Variants in KMT2D observed in about 807,000 individuals in gnomAD.
KMT2D encodes the protein lysine methyltransferase 2D, also known as histone-lysine N-methyltransferase 2D.
In KMT2D, 55 loss-of-function variants were observed where a neutral mutation model predicts 512.7. That is an observed-to-expected ratio of 0.11 (90% CI 0.09 to 0.13). The LOEUF is 0.13. KMT2D is among the 10% of genes least tolerant of loss of function. The pLI is 1.00. For missense variants in KMT2D, 6,061 were observed against 7,127.9 expected (o/e 0.85, Z 5.39); for synonymous variants, 2,995 against 2,904.0 (o/e 1.03, Z -1.01).
chr12:49,025,990 G>A (rs1472454611), intron 49 of KMT2D, among the ~76,000 whole-genome samples, 192 bp downstream of exon 49: 1 of 152,164 alleles, frequency 6.6e-6, no homozygotes, highest in Non-Finnish European at 1.5e-5. Flanking sequence ...TCAACTACAA[G>A]GGAATTTAGG....
Position 49,052,037 on chromosome 12 carries a change from A to G in KMT2D, c.1646T>C (p.Phe549Ser), listed in dbSNP as rs773720742. Residue 549 changes from phenylalanine (F) to serine (S), a missense_variant, in exon 11 of 55, where the codon TTT (phenylalanine) becomes TCT (serine). Phe to Ser is a radical substitution (Grantham distance 155). Transcript: ENST00000301067. The stretch of plus-strand genomic sequence containing the variant: ...TGGCGGGGACAAAGGAGATTCTTCA[A>G]ATGGTGGGGACAGGGGCGATGCTTC... ...PPEASPLSPP[F>S]EESPLSPPPE... The G allele has an allele frequency of 1.9e-6, 3 of 1,597,368 alleles. No homozygotes were observed. Among genetic ancestry groups the G allele is most frequent in the South Asian group, 2.2e-5 (2 of 90,380 alleles).
rs771534524 is a variant in KMT2D, at chr12:49,052,162, A to C, written c.1521T>G (p.Pro507=). The change falls in exon 11 of 55, where the codon CCT becomes CCG. Residue 507 remains proline (P), a synonymous_variant. Transcript: ENST00000301067. ...CCAGTGGAGAAAAAGGTGATGATTC[A>C]GGTGGGGGAGACAGAGGAGACTCCT... The part of the protein sequence containing the change: ...PPEESPLSPP[P]ESSPFSPLEE... 4.3e-6 allele frequency: 7 copies of C among 1,613,254 alleles called. No individual in the cohort carries two copies. In the South Asian group the frequency reaches 7.7e-5, roughly 18 times the overall value.
Position 49,053,231 on chromosome 12 carries a change from C to T in KMT2D, c.930G>A (p.Leu310=), listed in dbSNP as rs2120694451. The change falls in exon 8 of 55, where the codon CTG becomes CTA. Residue 310 remains leucine, a synonymous_variant. Transcript: ENST00000301067. ...TFCLKPPMEE[L]PAHSWKCKAC... is the part of the protein sequence containing the mutation. ...CCTTGCACTTCCAAGAGTGAGCAGG[C>T]AGTTCCTCCATGGGTGGTTTTAGGC... 6.2e-7 allele frequency: 1 copy of T among 1,613,896 alleles called. No homozygotes were observed. Among genetic ancestry groups the T allele is most frequent in the South Asian group, 1.1e-5 (1 of 91,084 alleles).
Position 49,031,567 on chromosome 12 carries a change from G to T in KMT2D, c.13138C>A (p.Pro4380Thr), listed in dbSNP as rs369009384. The T allele has an allele frequency of 1.4e-5, 23 of 1,601,358 alleles. No individual in the cohort carries two copies. Among genetic ancestry groups the T allele is most frequent in the Admixed American group, 1.4e-4 (8 of 57,466 alleles). Residue 4380 changes from proline (P) to threonine (T), a missense_variant, in exon 40 of 55, where the codon CCA becomes ACA. Physicochemically the swap from Pro to Thr is conservative, Grantham distance 38. This residue lies in a region of KMT2D where 1,600 missense variants were observed against 1,754.9 expected (regional missense o/e 0.91). Transcript: ENST00000301067. ...TTCTGGGTTTCTGCTAGGTTGTCTG[G>T]GGGATCCCAAGGTCCCAGACCCTTG... ...FSKGLGPWDP[P>T]DNLAETQKPE...
chr12:49,051,907 T>A lies in KMT2D; in HGVS notation c.1776A>T (p.Pro592=), dbSNP rs777814390. 1 of 1,609,426 alleles carries A rather than the reference T, an allele frequency of 6.2e-7. No homozygotes were observed. The change falls in exon 11 of 55, where the codon CCA becomes CCT. Residue 592 remains proline (P), a synonymous_variant. Coordinates refer to ENST00000301067, the MANE Select transcript of KMT2D (RefSeq NM_003482.4). ...GGAACAGACGAGATGCCTCCGGTGG[T>A]GGAGACATGGGTGACTCTTCAGGTG... The part of the protein sequence containing the change: ...SPPPEESPMS[P]PPEASRLFPP...
chr12:49,023,493 C>G (rs1942428175), intron 51 of KMT2D, among the ~76,000 whole-genome samples: 1 of 152,192 alleles, frequency 6.6e-6, no homozygotes, highest in Admixed American at 6.5e-5. Context: ...TGGCAGGATG[C>G]CTTTTACCAC....
Position 49,044,825 on chromosome 12 carries a change from C to A in KMT2D, c.4882G>T (p.Gly1628Cys), listed in dbSNP as rs1490654569. The change falls in exon 20 of 55, where the codon GGT (glycine) becomes TGT (cysteine). Residue 1628 changes from glycine to cysteine, a missense_variant. Coordinates refer to ENST00000301067, the MANE Select transcript of KMT2D (RefSeq NM_003482.4). This position sits in a 1 kb window ranked among gnomAD's most constrained non-coding sequence, Gnocchi z 6.4. ...LGLPGEAGLE[G>C]SEPSDALGPD... is the part of the protein sequence containing the mutation. Reference sequence around the variant, plus strand: ...CCAAGGGCATCTGAGGGCTCAGAACCCTCCAATCCTGCCTCGCCTGGGAGG... The same window carrying A: ...CCAAGGGCATCTGAGGGCTCAGAACACTCCAATCCTGCCTCGCCTGGGAGG... The A allele has an allele frequency of 6.2e-7, 1 of 1,614,088 alleles. No individual in the cohort carries two copies. The highest frequency in any genetic ancestry group is 1.3e-5 in the African/African-American group (1 of 75,080).
At position 49,044,665 on chromosome 12, in the gene KMT2D, A is replaced by G; in HGVS notation, c.4963+79T>C. On this transcript the variant is annotated intron_variant, in intron 20 of 54. Coordinates refer to ENST00000301067, the MANE Select transcript of KMT2D (RefSeq NM_003482.4). This position sits in a 1 kb window ranked among gnomAD's most constrained non-coding sequence, Gnocchi z 6.4. Reference sequence around the variant, plus strand: ...AGTGCTTAAGGGTAACTGAGTGGCAATGTAGCCCCCACCCAACATCCCACT... The same window carrying G: ...AGTGCTTAAGGGTAACTGAGTGGCAGTGTAGCCCCCACCCAACATCCCACT... The G allele has an allele frequency of 6.5e-7, 1 of 1,548,460 alleles. No homozygotes were observed. Among genetic ancestry groups the G allele is most frequent in the Non-Finnish European group, 8.8e-7 (1 of 1,131,886 alleles).
In KMT2D at chr12:49,046,843, CTTCT is replaced by C; in HGVS notation, c.4237-57_4237-54del. ...GGTGTGAGGTGGAAAAGAGGTAGAA[CTTCT>C]TTTTATTTTTTTTTGGAGATGGAGT... On this transcript the variant is annotated intron_variant, in intron 15 of 54. Transcript: ENST00000301067. This position sits in a 1 kb window ranked among gnomAD's most constrained non-coding sequence, Gnocchi z 4.2. 3.9e-6 allele frequency: 6 copies of C among 1,525,800 alleles called. No individual in the cohort carries two copies. Among genetic ancestry groups the C allele is most frequent in the Non-Finnish European group, 5.3e-6 (6 of 1,123,504 alleles). The allele number at this position is 1,525,800 out of a possible 1,614,324, so 94.5% of individuals were successfully genotyped here.
In KMT2D at chr12:49,049,110, G is replaced by C; in HGVS notation, c.4015C>G (p.Leu1339Val). The C allele has an allele frequency of 6.3e-7, 1 of 1,597,136 alleles. No individual in the cohort carries two copies. Among genetic ancestry groups the C allele is most frequent in the Non-Finnish European group, 8.6e-7 (1 of 1,166,224 alleles). The change falls in exon 13 of 55, where the codon CTG (leucine) becomes GTG (valine). Residue 1339 changes from leucine to valine, a missense_variant. Coordinates refer to ENST00000301067, the MANE Select transcript of KMT2D (RefSeq NM_003482.4). ...AATAGGAGGCATCTCCTTACTACCAGAGTCTCAATGGAAGAAGCAGTTGAC... is the reference window on the plus strand; with the variant it reads ...AATAGGAGGCATCTCCTTACTACCACAGTCTCAATGGAAGAAGCAGTTGAC... ...LKSTASSIETLVVADIDSSPS... is the reference protein window; with the variant it reads ...LKSTASSIETVVVADIDSSPS...
At chr12:49,049,068 G>T in intron 13 of KMT2D, 37 bp downstream of exon 13, 1 of 1,325,914 alleles carries the variant, frequency 7.5e-7, no homozygotes, top group Non-Finnish European at 1.1e-6. Flanking sequence ...GCTAAAGCAT[G>T]GTTGGGGGAT....
In KMT2D at chr12:49,053,616, C is replaced by T. The variant is rs2120698981; in HGVS notation, c.699G>A (p.Glu233=). The T allele has an allele frequency of 6.3e-7, 1 of 1,597,582 alleles. No homozygotes were observed. Among genetic ancestry groups the T allele is most frequent in the Admixed American group, 1.7e-5 (1 of 57,528 alleles). ...ACAGGTCACACAACTCCCCTGGCCCCTCACACACTGCACAGCGAGCCTCCT... is the reference window on the plus strand; with the variant it reads ...ACAGGTCACACAACTCCCCTGGCCCTTCACACACTGCACAGCGAGCCTCCT... ...YLEEARCAVC[E]GPGELCDLFF... is the part of the protein sequence containing the mutation. The change falls in exon 7 of 55, where the codon GAG becomes GAA. Residue 233 remains glutamate, a synonymous_variant. Coordinates refer to ENST00000301067, the MANE Select transcript of KMT2D (RefSeq NM_003482.4).
intron 7 of KMT2D, 59 bp from the exon 8 acceptor site, chr12:49,053,380 G>C: frequency 6.2e-7 from 1 of 1,605,384 alleles, no homozygotes; most frequent in African/African-American, 1.3e-5. Flanking sequence ...TTTCTTTTTT[G>C]TTGTTTTCAT....
chr12:49,033,272 C>T lies in KMT2D; in HGVS notation c.11433G>A (p.Gln3811=). ...MLGPAQVAVL[Q]QQHPGALGPQ... ...GGCCCAAAGCTCCAGGGTGCTGCTG[C>T]TGCAACACAGCCACCTGGGCAGGGC... The change falls in exon 40 of 55, where the codon CAG becomes CAA. Residue 3811 remains glutamine (Q), a synonymous_variant. Transcript: ENST00000301067. The T allele has an allele frequency of 6.4e-7, 1 of 1,568,390 alleles. No individual in the cohort carries two copies. The highest frequency in any genetic ancestry group is 2.4e-5 in the East Asian group (1 of 42,262).
At chr12:49,029,497 A>G in intron 43 of KMT2D, 21 bp from the exon 44 acceptor site, 2 of 1,547,286 alleles carry the variant, frequency 1.3e-6, no homozygotes, top group Non-Finnish European at 1.7e-6. Flanking sequence ...GGTAGGGAGA[A>G]GAAAAGTCAG....
In KMT2D at chr12:49,031,731, G is replaced by A. The variant is rs755470223; in HGVS notation, c.12974C>T (p.Ser4325Phe). 18 of 1,613,102 alleles carry A rather than the reference G, an allele frequency of 1.1e-5. 1 individual carries two copies. In the African/African-American group the frequency reaches 1.7e-4, roughly 16 times the overall value. Reference sequence around the variant, plus strand: ...CTCAGTGGGAAGCTGGGAGCTGGGGGAAGGTAATTGTGAAGGTCTCTTTGG... The same window carrying A: ...CTCAGTGGGAAGCTGGGAGCTGGGGAAAGGTAATTGTGAAGGTCTCTTTGG... ...QEPKRPSQLPSPSSQLPTEAQ... is the reference protein window; with the variant it reads ...QEPKRPSQLPFPSSQLPTEAQ... Residue 4325 changes from serine to phenylalanine, a missense_variant, in exon 40 of 55, where the codon TCC (serine) becomes TTC (phenylalanine). By Grantham distance (155) the Ser-to-Phe change is radical. Around this residue, in one of 16 missense-constraint regions of KMT2D, gnomAD observed 1,600 missense variants for 1,754.9 expected, o/e 0.91. Transcript: ENST00000301067.
In KMT2D at chr12:49,024,232, C is replaced by T. The variant is rs1430792715; in HGVS notation, c.16052+346G>A. 1.0e-5 allele frequency: 4 copies of T among 400,250 alleles called. No individual in the cohort carries two copies. The highest frequency in any genetic ancestry group is 6.2e-5 in the African/African-American group (3 of 48,222). The allele number at this position is 400,250 out of a possible 1,614,324, so 24.8% of individuals were successfully genotyped here. A position where few individuals can be genotyped will look rare whatever the true frequency, so the allele number is the denominator to read the frequency against. On this transcript the variant is annotated intron_variant, in intron 51 of 54. Coordinates refer to ENST00000301067, the MANE Select transcript of KMT2D (RefSeq NM_003482.4). This position sits in a 1 kb window ranked among gnomAD's most constrained non-coding sequence, Gnocchi z 4.5. ...GGTGACCCTAGCACCCATGGGGTAT[C>T]TGAGGTTTGGGAGAATCACAGGCCC...
At chr12:49,031,089 CTT>C in intron 40 of KMT2D, 56 bp from the exon 41 acceptor site, 1 of 1,610,866 alleles carries the variant, frequency 6.2e-7, no homozygotes, top group Non-Finnish European at 8.5e-7. Flanking sequence ...GCCCTCATCT[CTT>C]CTGTCTGACC....
chr12:49,033,810 G>A lies in KMT2D; in HGVS notation c.10895C>T (p.Pro3632Leu). ...CCCATGGCCAGGGAGCAGCTGACCA[G>A]GGAGCTTGGTGAGCAGCCGGGGACT... is the stretch of plus-strand genomic sequence containing the variant. ...SQSPRLLTKL[P>L]GQLLPGHGLQ... Residue 3632 changes from proline (P) to leucine (L), a missense_variant, in exon 40 of 55, where the codon CCT becomes CTT. Pro to Leu is a moderately conservative substitution (Grantham distance 98, BLOSUM62 -3). Transcript: ENST00000301067. The A allele has an allele frequency of 6.3e-7, 1 of 1,594,400 alleles. No homozygotes were observed. Among genetic ancestry groups the A allele is most frequent in the South Asian group, 1.1e-5 (1 of 88,538 alleles).
Sources: allele counts gnomAD v4.1 joint callset (sites outside exome capture counted in the v4.1 genomes callset), GRCh38; gene constraint gnomAD v4.1.1; regional missense constraint gnomAD v4.1.1; non-coding constraint Gnocchi (gnomAD v3.1); transcripts MANE v1.5; gene names NCBI Gene and HGNC (gene_info 2026-07-23, HGNC 2026-07-21).